The following TTLL7 variants were observed in gnomAD, a reference collection of about 807,000 sequenced individuals.
TTLL7 encodes the protein tubulin tyrosine ligase like 7, also known as tubulin polyglutamylase TTLL7.
In TTLL7, 53 loss-of-function variants were observed where a neutral mutation model predicts 120.2. The observed-to-expected ratio is 0.44, with a 90% CI of 0.35 to 0.55. TTLL7 has a LOEUF of 0.55. Among genes scored for constraint, TTLL7 ranks in the 20% least tolerant of loss-of-function variants. TTLL7 has a pLI of 0.00. For synonymous variants in TTLL7, 353 were observed against 351.7 expected, an observed-to-expected ratio of 1.00 and a Z score of -0.04; for missense variants, 803 against 1,054.7, an observed-to-expected ratio of 0.76 and a Z score of 3.31.
At chr1:83,923,547 AAAG>A (rs1351223153) in intron 10 of TTLL7, among the ~76,000 whole-genome samples, 1 of 152,186 alleles carries the variant, frequency 6.6e-6, no homozygotes, top group East Asian at 1.9e-4. Context: ...GAACACACAC[AAAG>A]AAGAATAACA....
intron 1 of TTLL7, among the ~76,000 whole-genome samples, chr1:83,992,437 C>G (rs915366405): frequency 2.9e-4 from 34 of 116,374 alleles, no homozygotes; most frequent in African/African-American, 8.9e-4. Flanking sequence ...CTCAAATACT[C>G]TAAAGAAAAA....
intron 6 of TTLL7, among the ~76,000 whole-genome samples, chr1:83,943,935 T>C (rs1209225699): frequency 6.6e-6 from 1 of 151,974 alleles, no homozygotes; most frequent in South Asian, 2.1e-4. Flanking sequence ...ATAAGGAATA[T>C]GAATAGTGAT....
intron 1 of TTLL7, among the ~76,000 whole-genome samples, chr1:83,970,415 T>A (rs79772914): frequency 6.6e-6 from 1 of 152,000 alleles, no homozygotes; most frequent in Non-Finnish European, 1.5e-5. Context: ...GAACATACAG[T>A]ACACACTGAA....
At chr1:83,884,620 T>C (rs1424392116) in intron 19 of TTLL7, among the ~76,000 whole-genome samples, 1 of 150,858 alleles carries the variant, frequency 6.6e-6, no homozygotes, top group Non-Finnish European at 1.5e-5. Flanking sequence ...TTTAAAATAC[T>C]GGTGTTTTTT....
chr1:83,901,581 A>G (rs1275112208), intron 18 of TTLL7, among the ~76,000 whole-genome samples: 1 of 151,962 alleles, frequency 6.6e-6, no homozygotes, highest in Non-Finnish European at 1.5e-5. Context: ...AAAATTCCAT[A>G]TTTCCATTAA....
chr1:83,954,624 G>A (rs538747485), intron 1 of TTLL7, among the ~76,000 whole-genome samples: 2 of 152,280 alleles, frequency 1.3e-5, no homozygotes, highest in African/African-American at 2.4e-5. Context: ...TGCTGTCCAG[G>A]CCACACCCCA....
intron 1 of TTLL7, among the ~76,000 whole-genome samples, chr1:83,984,770 T>C (rs777866061): frequency 2.0e-4 from 30 of 151,844 alleles, no homozygotes; most frequent in Non-Finnish European, 3.2e-4. Context: ...TGGGGACTAC[T>C]AGAGAGGGGA....
At chr1:83,980,100 G>A (rs1035951931) in intron 1 of TTLL7, 1 of 152,124 alleles carries the variant, frequency 6.6e-6, no homozygotes, top group African/African-American at 2.4e-5. Flanking sequence ...TTTAGTGAGT[G>A]AGAATTTACC....
chr1:83,896,314 GACA>G (rs991035780), intron 18 of TTLL7, among the ~76,000 whole-genome samples: 1 of 152,048 alleles, frequency 6.6e-6, no homozygotes, highest in Non-Finnish European at 1.5e-5. Context: ...TTCAGTCAAT[GACA>G]ACATTAATAA....
intron 18 of TTLL7, among the ~76,000 whole-genome samples, chr1:83,893,719 A>T (rs1655983549): frequency 6.6e-6 from 1 of 152,158 alleles, no homozygotes; most frequent in Non-Finnish European, 1.5e-5. Flanking sequence ...TATTTATAGA[A>T]GACTAGGAAC....
chr1:83,870,234 G>A lies in TTLL7; in HGVS notation c.2544-152C>T, dbSNP rs533261481. ...ATAAAAAGATTTCCTCCTCCAGACT[G>A]TAGGAAAGGAGAGAAGAGCTAAATA... is the stretch of plus-strand genomic sequence containing the variant. On this transcript the variant is annotated intron_variant, in intron 20 of 20. Coordinates refer to ENST00000260505, the MANE Select transcript of TTLL7 (RefSeq NM_024686.6). 139 of 686,772 alleles carry A rather than the reference G, an allele frequency of 2.0e-4. 1 individual carries two copies. The highest frequency in any genetic ancestry group is 1.1e-3 in the East Asian group (33 of 29,252). The allele number at this position is 686,772 out of a possible 1,614,324, so 42.5% of individuals were successfully genotyped here. A position where few individuals can be genotyped will look rare whatever the true frequency, so the allele number is the denominator to read the frequency against.
intron 14 of TTLL7, among the ~76,000 whole-genome samples, chr1:83,916,394 A>G (rs1194454031): frequency 6.6e-6 from 1 of 151,878 alleles, no homozygotes; most frequent in African/African-American, 2.4e-5. Context: ...TGCAAGGACA[A>G]AAAACCAAAC....
At chr1:83,959,887 TTACA>T (rs1649867119) in intron 1 of TTLL7, among the ~76,000 whole-genome samples, 1 of 152,078 alleles carries the variant, frequency 6.6e-6, no homozygotes, top group Non-Finnish European at 1.5e-5. Context: ...AGTATATTAT[TTACA>T]TAAAGTTTAA....
chr1:83,985,729 A>C (rs960049293), intron 1 of TTLL7, among the ~76,000 whole-genome samples: 7 of 152,176 alleles, frequency 4.6e-5, no homozygotes, highest in African/African-American at 9.6e-5. Flanking sequence ...TAAAAAACCT[A>C]TCTCAACAGA....
intron 13 of TTLL7, 113 bp from the exon 14 acceptor site, chr1:83,917,803 G>T: frequency 2.8e-6 from 2 of 702,390 alleles, no homozygotes; most frequent in South Asian, 1.9e-5. Flanking sequence ...ATTATTTAGT[G>T]AAGATTGCTC....
intron 18 of TTLL7, among the ~76,000 whole-genome samples, chr1:83,892,383 T>TATATATACGAATATATATGAAC (rs1327331648): frequency 1.0e-4 from 3 of 29,410 alleles, no homozygotes; most frequent in African/African-American, 2.7e-4. Context: ...TATATATGAA[T>TATATATACGAATATATATGAAC]ATATATACGA....
chr1:83,948,732 G>T, intron 4 of TTLL7, 37 bp from the exon 5 acceptor site: 1 of 1,432,044 alleles, frequency 7.0e-7, no homozygotes, highest in Non-Finnish European at 9.8e-7. Flanking sequence ...TATTCTCAGC[G>T]AATTAATTAT....
intron 19 of TTLL7, among the ~76,000 whole-genome samples, chr1:83,888,436 A>G (rs1388121286): frequency 6.6e-6 from 1 of 152,006 alleles, no homozygotes; most frequent in Non-Finnish European, 1.5e-5. Context: ...CTAAAAAAAA[A>G]TGGTAAAAAG....
At chr1:83,888,588 G>C (rs946641704) in intron 19 of TTLL7, among the ~76,000 whole-genome samples, 1 of 151,956 alleles carries the variant, frequency 6.6e-6, no homozygotes, top group Non-Finnish European at 1.5e-5. Context: ...CTTTACATTA[G>C]ATTCAAATAA....
Sources: gnomAD v4.1 joint callset for allele counts (sites outside exome capture counted in the v4.1 genomes callset) on GRCh38, gnomAD v4.1.1 for gene constraint, MANE v1.5 for transcripts, NCBI Gene and HGNC (gene_info 2026-07-23, HGNC 2026-07-21) for gene names.